The following PRH1 variants were observed in gnomAD, a reference collection of about 807,000 sequenced individuals.
PRH1 encodes proline rich protein HaeIII subfamily 1, also known as salivary acidic proline-rich phosphoprotein 1/2.
A neutral mutation model predicts 7.9 loss-of-function variants in PRH1; 7 were observed. The observed-to-expected ratio is 0.89, with a 90% CI of 0.50 to 1.67. The LOEUF is 1.67. Ranked by LOEUF, PRH1 falls within the 40% of genes most tolerant of loss-of-function variation. The pLI is 0.00. For missense variants in PRH1, 109 were observed against 223.6 expected (o/e 0.49, Z 3.27); for synonymous variants, 45 against 80.8 (o/e 0.56, Z 2.38).
chr12:11,022,835 C>T (rs1198368768), intron 1 of PRH1, among the ~76,000 whole-genome samples: 2 of 149,094 alleles, frequency 1.3e-5, no homozygotes, highest in African/African-American at 4.9e-5. Context: ...TTGCTATATG[C>T]TGTACTTTTT....
At chr12:10,915,746 A>G (rs1030912050) in intron 2 of PRH1, among the ~76,000 whole-genome samples, 10 of 152,220 alleles carry the variant, frequency 6.6e-5, no homozygotes, top group Admixed American at 3.9e-4. Flanking sequence ...ATAGCCAAAC[A>G]TTTGATTGGT....
intron 1 of PRH1, among the ~76,000 whole-genome samples, chr12:11,018,409 A>T (rs1941405229): frequency 6.6e-6 from 1 of 152,232 alleles, no homozygotes; most frequent in Non-Finnish European, 1.5e-5. Flanking sequence ...TATTGGACAC[A>T]AACATGTGCT....
chr12:11,115,699 C>A (rs1945712545), intron 1 of PRH1, among the ~76,000 whole-genome samples: 1 of 152,074 alleles, frequency 6.6e-6, no homozygotes, highest in Non-Finnish European at 1.5e-5. Flanking sequence ...CAAGCATCAA[C>A]TCTGACCACA....
chr12:11,161,512 T>C (rs1947413212), intron 1 of PRH1, among the ~76,000 whole-genome samples: 1 of 152,164 alleles, frequency 6.6e-6, no homozygotes, highest in Non-Finnish European at 1.5e-5. Context: ...TCTCTGGCCC[T>C]AGGGGAAGTG....
chr12:11,129,682 G>T (rs77295336), intron 1 of PRH1, among the ~76,000 whole-genome samples: 1 of 152,082 alleles, frequency 6.6e-6, no homozygotes, highest in African/African-American at 2.4e-5. Flanking sequence ...GGTACTTTTT[G>T]TGGGGCTAGT....
intron 1 of PRH1, among the ~76,000 whole-genome samples, chr12:11,066,243 A>G (rs767412720): frequency 6.6e-6 from 1 of 152,164 alleles, no homozygotes; most frequent in Non-Finnish European, 1.5e-5. Context: ...CTCCACCATC[A>G]CTCACACAAG....
chr12:11,046,877 G>T (rs946464722), intron 1 of PRH1: 4 of 340,390 alleles, frequency 1.2e-5, no homozygotes, highest in Non-Finnish European at 2.7e-5. Context: ...GAATTATAGA[G>T]AACAGCTCAT....
chr12:10,998,066 C>T (rs1386273216), intron 1 of PRH1, among the ~76,000 whole-genome samples: 1 of 152,136 alleles, frequency 6.6e-6, no homozygotes, highest in Non-Finnish European at 1.5e-5. Flanking sequence ...TTCAATGCTG[C>T]CTTTATGGGA....
chr12:11,141,631 A>C (rs755304932), intron 1 of PRH1, among the ~76,000 whole-genome samples: 2 of 152,216 alleles, frequency 1.3e-5, no homozygotes, highest in Non-Finnish European at 2.9e-5. Context: ...AGATGATAAT[A>C]ATATTCTCTT....
chr12:11,028,717 T>C (rs10772422), intron 1 of PRH1, among the ~76,000 whole-genome samples: 66,711 of 151,254 alleles, frequency 0.44, 15,445 homozygotes, highest in Non-Finnish European at 0.51. Context: ...TTTTTCAAAC[T>C]ATTATAATAG....
chr12:11,003,739 A>G (rs1264534978), intron 1 of PRH1, among the ~76,000 whole-genome samples: 1 of 151,960 alleles, frequency 6.6e-6, no homozygotes, highest in Non-Finnish European at 1.5e-5. Flanking sequence ...ATTCTTGCAA[A>G]TTTCATATAA....
intron 2 of PRH1, among the ~76,000 whole-genome samples, chr12:10,949,906 G>C (rs1950544028): frequency 6.6e-6 from 1 of 151,756 alleles, no homozygotes. Context: ...TCGTTTTAGA[G>C]TTTTGCCACC....
chr12:10,978,699 T>A (rs1045252347), intron 1 of PRH1, among the ~76,000 whole-genome samples: 4 of 152,094 alleles, frequency 2.6e-5, no homozygotes, highest in African/African-American at 9.7e-5. Flanking sequence ...CTATTCAGAA[T>A]CTATAAGGAA....
chr12:11,118,138 A>G (rs894060694), downstream of PRH1, among the ~76,000 whole-genome samples: 1 of 152,232 alleles, frequency 6.6e-6, no homozygotes, highest in African/African-American at 2.4e-5. Context: ...CAATCCACAG[A>G]ATAGGAGAAA....
chr12:11,151,870 A>T (rs1316664923), intron 1 of PRH1, among the ~76,000 whole-genome samples: 3 of 152,120 alleles, frequency 2.0e-5, no homozygotes, highest in African/African-American at 7.2e-5. Context: ...TGAGTTGATT[A>T]TCATAATATA....
upstream of PRH1, among the ~76,000 whole-genome samples, chr12:10,885,235 C>A (rs1949473019): frequency 6.6e-6 from 1 of 152,202 alleles, no homozygotes; most frequent in Non-Finnish European, 1.5e-5. Context: ...TGCTTTTACT[C>A]AGTAATTATG....
At chr12:11,092,364 A>T (rs1944952778) in intron 1 of PRH1, 7 of 504,230 alleles carry the variant, frequency 1.4e-5, no homozygotes, top group Non-Finnish European at 2.5e-5. Context: ...GCTCTTAAAG[A>T]TGGTGTGGAC....
chr12:11,083,338 T>G (rs1944554791), intron 1 of PRH1, among the ~76,000 whole-genome samples: 1 of 116,828 alleles, frequency 8.6e-6, no homozygotes, highest in African/African-American at 2.8e-5. Context: ...TGCTTACCTC[T>G]TCCTTTTTTA....
chr12:10,987,848 C>T (rs1338180020), intron 1 of PRH1, among the ~76,000 whole-genome samples: 3 of 152,060 alleles, frequency 2.0e-5, no homozygotes, highest in Non-Finnish European at 4.4e-5. Flanking sequence ...CACCCTATGA[C>T]ACATAATTTT....
Sources: allele counts gnomAD v4.1 joint callset (sites outside exome capture counted in the v4.1 genomes callset), GRCh38; gene constraint gnomAD v4.1.1; transcripts MANE v1.5; gene names NCBI Gene and HGNC (gene_info 2026-07-23, HGNC 2026-07-21).